The following GIP variants were observed in gnomAD, a reference collection of about 807,000 sequenced individuals.
The protein encoded by GIP is gastric inhibitory polypeptide, also known as glucose-dependent insulinotropic polypeptide.
In GIP, 16 loss-of-function variants were observed where a neutral mutation model predicts 18.1. The observed-to-expected ratio is 0.88, with a 90% CI of 0.60 to 1.34. The LOEUF (loss-of-function observed/expected upper bound fraction) is 1.34, where lower values mean the gene tolerates loss of function less well. Among genes scored for constraint, GIP ranks in the 40% most tolerant of loss-of-function variants. GIP has a pLI of 0.00. For missense variants in GIP, 192 were observed against 183.4 expected (o/e 1.05, Z -0.27); for synonymous variants, 76 against 74.0 (o/e 1.03, Z -0.14).
chr17:48,961,862 C>G, intron 3 of GIP, 43 bp from the exon 4 acceptor site: 3 of 1,364,460 alleles, frequency 2.2e-6, no homozygotes, highest in East Asian at 2.3e-5. Context: ...TGCGGAGACT[C>G]CAGTCTAGGG....
In GIP at chr17:48,968,519, G is replaced by A. The variant is rs2041247231; in HGVS notation, c.-24C>T. The A allele has an allele frequency of 6.6e-6, 1 of 152,158 alleles. No homozygotes were observed. Among genetic ancestry groups the A allele is most frequent in the Non-Finnish European group, 1.5e-5 (1 of 68,068 alleles). The allele number at this position is 152,158 out of a possible 1,614,324, so 9.4% of individuals were successfully genotyped here. ...ATCCCTGTCTCCACTTCTCTTACCA[G>A]ACTTCCTTTCCAGCTCTTCCAGAAG... On this transcript the variant is annotated splice_region_variant and 5_prime_UTR_variant, in exon 1 of 6. Coordinates refer to ENST00000357424, the MANE Select transcript of GIP (RefSeq NM_004123.3).
At chr17:48,965,465 C>T (rs2041231111) in intron 2 of GIP, among the ~76,000 whole-genome samples, 1 of 151,336 alleles carries the variant, frequency 6.6e-6, no homozygotes, top group African/African-American at 2.4e-5. Flanking sequence ...ATTAGCCAGG[C>T]GTGGTGGCAG....
Position 48,968,539 on chromosome 17 carries a change from CAGA to C in GIP, c.-47_-45del, listed in dbSNP as rs955576828. The C allele has an allele frequency of 2.6e-5, 4 of 152,344 alleles. No individual in the cohort carries two copies. The highest frequency in any genetic ancestry group is 2.1e-4 in the South Asian group (1 of 4,824). 9.4% of individuals were successfully genotyped at this position (152,344 alleles called of 1,614,324 possible). A position where few individuals can be genotyped will look rare whatever the true frequency, so the allele number is the denominator to read the frequency against. On this transcript the variant is annotated 5_prime_UTR_variant, in exon 1 of 6. Coordinates refer to ENST00000357424, the MANE Select transcript of GIP (RefSeq NM_004123.3). ...TACCAGACTTCCTTTCCAGCTCTTC[CAGA>C]AGAAGGACAGATAGGGGTCTCCTTC...
chr17:48,968,193 G>C (rs767386695), intron 1 of GIP, among the ~76,000 whole-genome samples: 4 of 152,038 alleles, frequency 2.6e-5, no homozygotes, highest in Non-Finnish European at 5.9e-5. Context: ...CCTGGGCTCA[G>C]GCAAACCTTT....
Position 48,965,138 on chromosome 17 carries a change from C to CAAAAAAAAAAAAAAAAAAAAA in GIP, c.87-659_87-658insTTTTTTTTTTTTTTTTTTTTT, listed in dbSNP as rs33956589. Among the ~76,000 whole-genome samples the CAAAAAAAAAAAAAAAAAAAAA allele has an allele frequency of 4.8e-4, 53 of 109,596 alleles. 18 individuals carry two copies. Among genetic ancestry groups the CAAAAAAAAAAAAAAAAAAAAA allele is most frequent in the African/African-American group, 1.3e-3 (28 of 21,120 alleles). 71.9% of individuals were successfully genotyped at this position (109,596 alleles called of 152,430 possible). A position where few individuals can be genotyped will look rare whatever the true frequency, so the allele number is the denominator to read the frequency against. ...TGGGAGACAGAGCGAGACTCCGTCT[C>CAAAAAAAAAAAAAAAAAAAAA]AAAAAAAAAAAAATTAGCCAGGCGT... On this transcript the variant is annotated intron_variant, in intron 2 of 5. Coordinates refer to ENST00000357424, the MANE Select transcript of GIP (RefSeq NM_004123.3).
At chr17:48,965,729 C>T (rs2041232940) in intron 2 of GIP, among the ~76,000 whole-genome samples, 1 of 151,542 alleles carries the variant, frequency 6.6e-6, no homozygotes, top group South Asian at 2.1e-4. Context: ...CATTCCATAA[C>T]AATAGTCAAC....
Position 48,966,357 on chromosome 17 carries a change from A to C in GIP, c.86+790T>G, listed in dbSNP as rs569014287. ...GATCATCTAAGGTCAGGAGTTCGAG[A>C]CCAGCCTGACCAACATAGTGAAACC... is the stretch of plus-strand genomic sequence containing the variant. On this transcript the variant is annotated intron_variant, in intron 2 of 5. Coordinates refer to ENST00000357424, the MANE Select transcript of GIP (RefSeq NM_004123.3). 5.3e-5 allele frequency among the ~76,000 whole-genome samples: 8 copies of C among 151,574 alleles called. No individual in the cohort carries two copies. The South Asian group carries it at 8.3e-4, about 16-fold the overall frequency.
chr17:48,960,971 G>A lies in GIP; in HGVS notation c.367C>T (p.Pro123Ser). 6.2e-7 allele frequency: 1 copy of A among 1,608,004 alleles called. No homozygotes were observed. Among genetic ancestry groups the A allele is most frequent in the Non-Finnish European group, 8.5e-7 (1 of 1,177,442 alleles). The change falls in exon 5 of 6, where the codon CCC (proline) becomes TCC (serine). Residue 123 changes from proline (P) to serine (S), a missense_variant. Transcript: ENST00000357424. ...VEPQSSPAKN[P>S]SDEDLLRDLL... The stretch of plus-strand genomic sequence containing the variant: ...TCCCGCAGCAAATCTTCATCGCTGG[G>A]GTTCTTGGCTGGGGAGCTGCAAGGG...
intron 1 of GIP, among the ~76,000 whole-genome samples, chr17:48,968,221 T>C (rs756103364): frequency 6.6e-6 from 1 of 151,768 alleles, no homozygotes; most frequent in Non-Finnish European, 1.5e-5. Context: ...CCCTCCCGAG[T>C]ACCTAGAACC....
chr17:48,959,607 A>G lies in GIP; in HGVS notation c.453-891T>C, dbSNP rs1843936111. The stretch of plus-strand genomic sequence containing the variant: ...AATGGACTGAAGAATTTTCTAGCTG[A>G]TGAGGGGGATTCAAGAGACCATTGA... On this transcript the variant is annotated intron_variant, in intron 5 of 5. Coordinates refer to ENST00000357424, the MANE Select transcript of GIP (RefSeq NM_004123.3). 2.0e-5 allele frequency among the ~76,000 whole-genome samples: 3 copies of G among 152,170 alleles called. No individual in the cohort carries two copies. In the South Asian group the frequency reaches 6.2e-4, roughly 31 times the overall value.
chr17:48,960,799 G>A, intron 5 of GIP, 87 bp downstream of exon 5: 1 of 789,396 alleles, frequency 1.3e-6, no homozygotes, highest in South Asian at 1.5e-5. Context: ...TATGTAATCA[G>A]CCAGCATGTG....
chr17:48,961,900 C>T (rs184370272), intron 3 of GIP, 81 bp from the exon 4 acceptor site: 1 of 962,630 alleles, frequency 1.0e-6, no homozygotes, highest in African/African-American at 1.6e-5. Flanking sequence ...TATCTGAACC[C>T]CAAAAGCAGA....
intron 2 of GIP, among the ~76,000 whole-genome samples, chr17:48,966,369 A>G (rs1474582729): frequency 6.6e-6 from 1 of 151,570 alleles, no homozygotes; most frequent in Non-Finnish European, 1.5e-5. Flanking sequence ...CAGCCTGACC[A>G]ACATAGTGAA....
At position 48,961,768 on chromosome 17, in the gene GIP, A is replaced by T. The variant is rs978124766; in HGVS notation, c.309T>A (p.Ser103Arg). ...QREARALELASQANRKEEEAV... is the reference protein window; with the variant it reads ...QREARALELARQANRKEEEAV... ...CCTCCTCCTCCTTCCTATTAGCTTG[A>T]CTGGCCAGCTCCAGCGCCCGAGCCT... Residue 103 changes from serine to arginine, a missense_variant, in exon 4 of 6, where the codon AGT (serine) becomes AGA (arginine). By Grantham distance (110) the Ser-to-Arg change is moderately radical. Coordinates refer to ENST00000357424, the MANE Select transcript of GIP (RefSeq NM_004123.3). 1.2e-6 allele frequency: 2 copies of T among 1,612,474 alleles called. No homozygotes were observed. The highest frequency in any genetic ancestry group is 4.5e-5 in the East Asian group (2 of 44,870).
At chr17:48,967,649 C>T (rs1015036908) in intron 1 of GIP, among the ~76,000 whole-genome samples, 2 of 151,392 alleles carry the variant, frequency 1.3e-5, no homozygotes, top group Non-Finnish European at 2.9e-5. Flanking sequence ...TGAGCCATCG[C>T]GCCTTGCCAG....
Position 48,960,976 on chromosome 17 carries a change from T to C in GIP, c.362A>G (p.Lys121Arg), listed in dbSNP as rs1259360669. Residue 121 changes from lysine (K) to arginine (R), a missense_variant, in exon 5 of 6, where the codon AAG (lysine) becomes AGG (arginine). Transcript: ENST00000357424. The stretch of plus-strand genomic sequence containing the variant: ...CAGCAAATCTTCATCGCTGGGGTTC[T>C]TGGCTGGGGAGCTGCAAGGGAACAG... ...EAVEPQSSPA[K>R]NPSDEDLLRD... is the part of the protein sequence containing the mutation. 1 of 1,606,498 alleles carries C rather than the reference T, an allele frequency of 6.2e-7. No individual in the cohort carries two copies. The highest frequency in any genetic ancestry group is 8.5e-7 in the Non-Finnish European group (1 of 1,176,658).
intron 4 of GIP, among the ~76,000 whole-genome samples, chr17:48,961,432 C>T (rs541372213): frequency 6.6e-6 from 1 of 152,242 alleles, no homozygotes; most frequent in South Asian, 2.1e-4. Flanking sequence ...CCTGAGGTCT[C>T]TTCTTTCCTG....
chr17:48,958,630 T>C lies in GIP; in HGVS notation c.*77A>G. ...ATAAACTTTATTGGTTTGGGTTCTC[T>C]TGGCTATTCTGGAGTGGGGCTGAGG... On this transcript the variant is annotated 3_prime_UTR_variant, in exon 6 of 6. Transcript: ENST00000357424. 1 of 1,210,558 alleles carries C rather than the reference T, an allele frequency of 8.3e-7. No homozygotes were observed. Among genetic ancestry groups the C allele is most frequent in the Non-Finnish European group, 1.2e-6 (1 of 838,226 alleles). The allele number at this position is 1,210,558 out of a possible 1,614,324, so 75.0% of individuals were successfully genotyped here. A position where few individuals can be genotyped will look rare whatever the true frequency, so the allele number is the denominator to read the frequency against.
intron 3 of GIP, 101 bp from the exon 4 acceptor site, chr17:48,961,920 T>C (rs1333142295): frequency 1.3e-6 from 1 of 795,210 alleles, no homozygotes; most frequent in African/African-American, 1.7e-5. Flanking sequence ...AGGGTACCTT[T>C]TTCCACTCAA....
Sources: allele counts gnomAD v4.1 joint callset (sites outside exome capture counted in the v4.1 genomes callset), GRCh38; gene constraint gnomAD v4.1.1; transcripts MANE v1.5; gene names NCBI Gene and HGNC (gene_info 2026-07-23, HGNC 2026-07-21).